The following FTO variants were observed in gnomAD, a reference collection of about 807,000 sequenced individuals.
FTO encodes alpha-ketoglutarate-dependent dioxygenase FTO.
Under a neutral mutation model 63.9 loss-of-function variants are expected in FTO, and 47 were observed. The observed-to-expected ratio is 0.74, with a 90% confidence interval of 0.58 to 0.94. The LOEUF (loss-of-function observed/expected upper bound fraction) is 0.94, where lower values mean the gene tolerates loss of function less well. Among genes scored for constraint, FTO ranks in the 40% least tolerant of loss-of-function variants. FTO has a pLI of 0.00. For synonymous variants in FTO, 207 were observed against 224.4 expected, an observed-to-expected ratio of 0.92 and a Z score of 0.69; for missense variants, 562 against 618.1, an observed-to-expected ratio of 0.91 and a Z score of 0.96.
chr16:54,041,988 T>G (rs1480448281), intron 8 of FTO, among the ~76,000 whole-genome samples: 3 of 152,230 alleles, frequency 2.0e-5, no homozygotes, highest in Non-Finnish European at 4.4e-5. Flanking sequence ...GAGAGCTTTC[T>G]TGTGACCTTC....
chr16:54,028,977 C>T (rs1167644475), intron 8 of FTO, among the ~76,000 whole-genome samples: 1 of 152,032 alleles, frequency 6.6e-6, no homozygotes, highest in African/African-American at 2.4e-5. Context: ...AACATTGTAT[C>T]ATCCTATTAA....
intron 1 of FTO, among the ~76,000 whole-genome samples, chr16:53,761,219 C>T (rs2077060558): frequency 6.6e-6 from 1 of 152,064 alleles, no homozygotes; most frequent in Non-Finnish European, 1.5e-5. Flanking sequence ...GCCTCAGCTT[C>T]CCAAGTAACT....
chr16:53,764,409 A>T (rs2077142129), intron 1 of FTO: 1 of 150,760 alleles, frequency 6.6e-6, no homozygotes, highest in South Asian at 2.1e-4. Context: ...AGGCGGGCGG[A>T]TCACTAGGTC....
chr16:53,841,054 G>A (rs2151812201), intron 3 of FTO, among the ~76,000 whole-genome samples: 1 of 54,468 alleles, frequency 1.8e-5, no homozygotes, highest in African/African-American at 9.0e-5. Flanking sequence ...TATTATGTAT[G>A]AATAAGAAGT....
intron 7 of FTO, among the ~76,000 whole-genome samples, chr16:53,889,292 T>A (rs2081088185): frequency 6.6e-6 from 1 of 152,204 alleles, no homozygotes; most frequent in South Asian, 2.1e-4. Context: ...TTAAAAAATT[T>A]TTACAGCAAT....
intron 1 of FTO, among the ~76,000 whole-genome samples, chr16:53,724,025 G>A (rs1829210166): frequency 6.6e-6 from 1 of 152,216 alleles, no homozygotes. Flanking sequence ...TGACATTTGG[G>A]ATATATGGAA....
chr16:53,947,709 G>A (rs1259274491), intron 8 of FTO, among the ~76,000 whole-genome samples: 8 of 152,148 alleles, frequency 5.3e-5, no homozygotes, highest in South Asian at 2.1e-4. Context: ...TTCCTCACAC[G>A]AAGTCTAAGC....
chr16:53,965,266 G>T (rs767836270), intron 8 of FTO, among the ~76,000 whole-genome samples: 2 of 152,128 alleles, frequency 1.3e-5, no homozygotes, highest in African/African-American at 2.4e-5. Context: ...AGTAGAGACG[G>T]GGTTTCACCA....
In FTO at chr16:54,011,135, C is replaced by T. The variant is rs2084325593; in HGVS notation, c.1364+77026C>T. On this transcript the variant is annotated intron_variant, in intron 8 of 8. Coordinates refer to ENST00000471389, the MANE Select transcript of FTO (RefSeq NM_001080432.3). ...GGAGGGATGACATCACAGTAACTGA[C>T]AATGGAATTATCACCATTGCTCTTT... is the stretch of plus-strand genomic sequence containing the variant. 2.0e-5 allele frequency among the ~76,000 whole-genome samples: 3 copies of T among 152,126 alleles called. No individual in the cohort carries two copies. The South Asian group carries it at 6.2e-4, about 32-fold the overall frequency.
At position 53,890,420 on chromosome 16, in the gene FTO, T is replaced by G. The variant is rs536119499; in HGVS notation, c.1239+1469T>G. On this transcript the variant is annotated intron_variant, in intron 7 of 8. Transcript: ENST00000471389. ...TCTTCTGTCTTATTTATTATAATTA[T>G]TATTATTGTGATAAGAACACTTAAC... is the stretch of plus-strand genomic sequence containing the variant. Among the ~76,000 whole-genome samples, 5 of 152,288 alleles carry G rather than the reference T, an allele frequency of 3.3e-5. No individual in the cohort carries two copies. The South Asian group carries it at 8.3e-4, about 25-fold the overall frequency.
intron 8 of FTO, among the ~76,000 whole-genome samples, chr16:54,052,998 G>A (rs180946078): frequency 0.014 from 2,190 of 152,268 alleles, 31 homozygotes; most frequent in Admixed American, 0.042. Context: ...CACTGCACCC[G>A]GCCAAGAACG....
At chr16:53,913,913 A>G (rs539307989) in intron 7 of FTO, among the ~76,000 whole-genome samples, 45 of 150,008 alleles carry the variant, frequency 3.0e-4, no homozygotes, top group African/African-American at 1.0e-3. Context: ...CTGGGGGCGG[A>G]GGCTGCTGTG....
chr16:53,745,718 A>C (rs1837276828), intron 1 of FTO, among the ~76,000 whole-genome samples: 1 of 152,218 alleles, frequency 6.6e-6, no homozygotes, highest in African/African-American at 2.4e-5. Context: ...TCAGGTATGC[A>C]CTTAAATGCA....
chr16:53,888,787 A>C, intron 6 of FTO, 45 bp from the exon 7 acceptor site: 1 of 1,609,986 alleles, frequency 6.2e-7, no homozygotes, highest in South Asian at 1.1e-5. Context: ...TCGCTTGTCT[A>C]TCACAAGGGT....
At chr16:54,097,936 A>C (rs1332426916) in intron 8 of FTO, among the ~76,000 whole-genome samples, 2 of 152,108 alleles carry the variant, frequency 1.3e-5, no homozygotes, top group Non-Finnish European at 2.9e-5. Context: ...CCATGTGGAT[A>C]TTTTAGGGGA....
chr16:53,943,154 C>T (rs771092028), intron 8 of FTO, among the ~76,000 whole-genome samples: 1 of 152,132 alleles, frequency 6.6e-6, no homozygotes, highest in Admixed American at 6.5e-5. Context: ...CATAAAACCT[C>T]CTCAAAAATG....
At chr16:54,034,933 G>A (rs2084911239) in intron 8 of FTO, among the ~76,000 whole-genome samples, 1 of 152,226 alleles carries the variant, frequency 6.6e-6, no homozygotes, top group Non-Finnish European at 1.5e-5. Flanking sequence ...TTGGGAAAGT[G>A]CATCCCTTCC....
chr16:53,924,494 G>A (rs1477690415), intron 7 of FTO, among the ~76,000 whole-genome samples: 3 of 152,076 alleles, frequency 2.0e-5, no homozygotes, highest in African/African-American at 7.2e-5. Context: ...TGTCTTTAAG[G>A]TGGGAATGAA....
chr16:53,709,537 A>G (rs938186584), intron 1 of FTO, among the ~76,000 whole-genome samples: 3 of 152,192 alleles, frequency 2.0e-5, no homozygotes, highest in African/African-American at 7.2e-5. Flanking sequence ...CTACTATTCC[A>G]GGGGTAGAGT....
Sources: allele counts gnomAD v4.1 joint callset (sites outside exome capture counted in the v4.1 genomes callset), GRCh38; gene constraint gnomAD v4.1.1; transcripts MANE v1.5; gene names NCBI Gene and HGNC (gene_info 2026-07-23, HGNC 2026-07-21).